Variants in ADGRG6 observed in about 807,000 individuals in gnomAD.
ADGRG6 encodes adhesion G protein-coupled receptor G6, also known as G-protein coupled receptor 126.
In ADGRG6, 84 loss-of-function variants were observed where a neutral mutation model predicts 142.4. The observed-to-expected ratio is 0.59, with a 90% CI of 0.49 to 0.71. The LOEUF is 0.71. Ranked by LOEUF, ADGRG6 falls within the 30% of genes least tolerant of loss-of-function variation. The pLI, the probability that ADGRG6 is intolerant of heterozygous loss-of-function variation, is 0.00. For missense variants in ADGRG6, 1,367 were observed against 1,466.6 expected, an observed-to-expected ratio of 0.93 and a Z score of 1.11; for synonymous variants, 521 against 520.5, an observed-to-expected ratio of 1.00 and a Z score of -0.01.
intron 17 of ADGRG6, 120 bp downstream of exon 17, chr6:142,410,039 A>G (rs1043278217): frequency 6.9e-6 from 3 of 436,018 alleles, no homozygotes; most frequent in Non-Finnish European, 1.3e-5. Flanking sequence ...GTAAGTGTAA[A>G]TGGCAAATGA....
intron 2 of ADGRG6, among the ~76,000 whole-genome samples, chr6:142,350,123 A>AT (rs1267839188): frequency 2.0e-5 from 3 of 152,206 alleles, no homozygotes; most frequent in Non-Finnish European, 4.4e-5. Flanking sequence ...TTCATCGATA[A>AT]TGTAACACCA....
chr6:142,397,652 C>T lies in ADGRG6; in HGVS notation c.1464C>T (p.Asn488=). The T allele has an allele frequency of 1.2e-6, 2 of 1,608,350 alleles. No homozygotes were observed. Among genetic ancestry groups the T allele is most frequent in the South Asian group, 2.2e-5 (2 of 90,506 alleles). ...LWALLVYNAT[N]NTNLEGKIIQ... ...CCCTTCTAGTTTACAATGCTACCAA[C>T]AATACTAATTTGGAAGGAAAAATCA... is the stretch of plus-strand genomic sequence containing the variant. Residue 488 remains asparagine (N), a synonymous_variant, in exon 10 of 25, where the codon AAC becomes AAT. Coordinates refer to ENST00000367609, the MANE Select transcript of ADGRG6 (RefSeq NM_198569.3).
intron 2 of ADGRG6, among the ~76,000 whole-genome samples, chr6:142,324,876 A>G (rs901244860): frequency 6.6e-5 from 10 of 152,118 alleles, no homozygotes; most frequent in African/African-American, 2.2e-4. Context: ...CTAAGAAAGT[A>G]TAGGTACTGC....
chr6:142,403,827 G>T lies in ADGRG6; in HGVS notation c.1981G>T (p.Ala661Ser), dbSNP rs1296821917. The part of the protein sequence containing the change: ...SEALKTIDEL[A>S]FKIDLNSTSH... ...AGCTTTAAAAACAATTGATGAATTG[G>T]CCTTCAAGATAGACCTAAATAGCAC... Residue 661 changes from alanine (A) to serine (S), a missense_variant, in exon 14 of 25, where the codon GCC becomes TCC. Coordinates refer to ENST00000367609, the MANE Select transcript of ADGRG6 (RefSeq NM_198569.3). 1.3e-6 allele frequency: 2 copies of T among 1,585,464 alleles called. No individual in the cohort carries two copies. The highest frequency in any genetic ancestry group is 1.4e-5 in the African/African-American group (1 of 73,068).
chr6:142,381,321 A>G (rs1781760635), intron 4 of ADGRG6, among the ~76,000 whole-genome samples: 4 of 152,186 alleles, frequency 2.6e-5, no homozygotes. Context: ...CTTTGTTATA[A>G]GCTTAGCCAA....
At chr6:142,312,127 G>T (rs1777798591) in intron 2 of ADGRG6, among the ~76,000 whole-genome samples, 1 of 151,922 alleles carries the variant, frequency 6.6e-6, no homozygotes, top group Admixed American at 6.6e-5. Flanking sequence ...CATAGATTTT[G>T]GTTTTTGTCT....
At chr6:142,404,263 A>C (rs1775684091) in intron 14 of ADGRG6, 1 of 346,500 alleles carries the variant, frequency 2.9e-6, no homozygotes, top group Admixed American at 5.0e-5. Flanking sequence ...CAGTTCAGTT[A>C]GAGGAAAGAG....
rs990033567 is a variant in ADGRG6, at chr6:142,349,518, C to T, written c.104-18051C>T. Among the ~76,000 whole-genome samples the T allele has an allele frequency of 3.9e-5, 6 of 152,230 alleles. No individual in the cohort carries two copies. In the East Asian group the frequency reaches 9.6e-4, roughly 24 times the overall value. On this transcript the variant is annotated intron_variant, in intron 2 of 24. Transcript: ENST00000367609. ...CATAACTAGGTGAGGTGTCTCTCTT[C>T]AGTCCTCCCGTAGTCTGAGGGAAAC...
At chr6:142,401,927 T>C (rs898402991) in intron 11 of ADGRG6, 67 bp from the exon 12 acceptor site, 25 of 711,256 alleles carry the variant, frequency 3.5e-5, no homozygotes, top group African/African-American at 2.0e-4. Flanking sequence ...CATGTAAAAA[T>C]CCCTTTAAGC....
chr6:142,382,063 T>C (rs928847169), intron 5 of ADGRG6, 44 bp downstream of exon 5: 2 of 1,190,936 alleles, frequency 1.7e-6, no homozygotes, highest in Non-Finnish European at 2.4e-6. Flanking sequence ...TGCTTTCTAC[T>C]TGCAATTTTG....
intron 22 of ADGRG6, among the ~76,000 whole-genome samples, chr6:142,434,842 A>G (rs1777399097): frequency 6.6e-6 from 1 of 152,138 alleles, no homozygotes; most frequent in Admixed American, 6.6e-5. Flanking sequence ...TAGTCATTTT[A>G]CTGTGATCAG....
intron 22 of ADGRG6, among the ~76,000 whole-genome samples, chr6:142,420,906 A>G (rs1261292591): frequency 6.6e-6 from 1 of 152,210 alleles, no homozygotes; most frequent in Non-Finnish European, 1.5e-5. Context: ...CAGAAGCACC[A>G]TGAGGCCAAC....
intron 9 of ADGRG6, among the ~76,000 whole-genome samples, chr6:142,394,998 C>T (rs937442351): frequency 7.9e-5 from 12 of 151,978 alleles, no homozygotes; most frequent in Non-Finnish European, 1.5e-4. Context: ...GCCCTGATGA[C>T]GGAGCTTGCT....
intron 2 of ADGRG6, among the ~76,000 whole-genome samples, chr6:142,340,751 G>A (rs1779582491): frequency 6.6e-6 from 1 of 152,074 alleles, no homozygotes; most frequent in Non-Finnish European, 1.5e-5. Flanking sequence ...CATCAGTGAA[G>A]TTGCTGAGCC....
chr6:142,382,129 G>T, intron 5 of ADGRG6, 110 bp downstream of exon 5: 1 of 683,176 alleles, frequency 1.5e-6, no homozygotes, highest in Non-Finnish European at 2.6e-6. Context: ...TGGAAAGCCA[G>T]AAAACAGCAA....
At position 142,408,107 on chromosome 6, in the gene ADGRG6, G is replaced by A. The variant is rs1003148266; in HGVS notation, c.2269-43G>A. 4 of 1,463,870 alleles carry A rather than the reference G, an allele frequency of 2.7e-6. No homozygotes were observed. In the African/African-American group the frequency reaches 4.3e-5, roughly 16 times the overall value. 90.7% of individuals were successfully genotyped at this position (1,463,870 alleles called of 1,614,324 possible). A position where few individuals can be genotyped will look rare whatever the true frequency, so the allele number is the denominator to read the frequency against. On this transcript the variant is annotated intron_variant, in intron 15 of 24. Transcript: ENST00000367609. ...TTTGGAGCACCAAAGTAAAATAAAA[G>A]TGTACTTCTGACTGATACACGCGAT...
chr6:142,412,960 T>A (rs1315221603), intron 18 of ADGRG6, among the ~76,000 whole-genome samples: 1 of 152,128 alleles, frequency 6.6e-6, no homozygotes, highest in Non-Finnish European at 1.5e-5. Flanking sequence ...CTTCATATAT[T>A]GTCTAAATTT....
intron 2 of ADGRG6, among the ~76,000 whole-genome samples, chr6:142,366,858 A>G (rs1452542822): frequency 1.3e-5 from 2 of 152,198 alleles, no homozygotes; most frequent in Non-Finnish European, 2.9e-5. Context: ...TAGACTCACA[A>G]TAAATATTTA....
chr6:142,441,505 G>A (rs542108154), intron 24 of ADGRG6, among the ~76,000 whole-genome samples: 18 of 152,130 alleles, frequency 1.2e-4, no homozygotes, highest in Non-Finnish European at 2.2e-4. Context: ...CCAGAAGACT[G>A]GGAATAGCAT....
Sources: gnomAD v4.1 joint callset for allele counts (sites outside exome capture counted in the v4.1 genomes callset) on GRCh38, gnomAD v4.1.1 for gene constraint, MANE v1.5 for transcripts, NCBI Gene and HGNC (gene_info 2026-07-23, HGNC 2026-07-21) for gene names.